The following CADM2 variants were observed in gnomAD, a reference collection of about 807,000 sequenced individuals.
CADM2 encodes immunoglobulin superfamily member 4D.
In CADM2, 12 loss-of-function variants were observed where a neutral mutation model predicts 49.8. That is an observed-to-expected ratio of 0.24 (90% CI 0.15 to 0.39). The LOEUF (loss-of-function observed/expected upper bound fraction) is 0.39, where lower values mean the gene tolerates loss of function less well. Ranked by LOEUF, CADM2 falls within the 10% of genes least tolerant of loss-of-function variation. CADM2 has a pLI of 1.00. For missense variants in CADM2, 378 were observed against 492.3 expected, an observed-to-expected ratio of 0.77 and a Z score of 2.20; for synonymous variants, 214 against 175.4, an observed-to-expected ratio of 1.22 and a Z score of -1.74.
At chr3:85,246,330 A>G (rs1178806855) in intron 1 of CADM2, among the ~76,000 whole-genome samples, 1 of 152,008 alleles carries the variant, frequency 6.6e-6, no homozygotes, top group Admixed American at 6.6e-5. Flanking sequence ...AAGCATTAGG[A>G]GATATACCTA....
intron 1 of CADM2, among the ~76,000 whole-genome samples, chr3:85,157,001 C>T (rs948855531): frequency 6.6e-6 from 1 of 152,026 alleles, no homozygotes; most frequent in Non-Finnish European, 1.5e-5. Flanking sequence ...TCTCAGGATA[C>T]AAAATCAATG....
At chr3:85,585,887 T>C (rs1231586015) in intron 1 of CADM2, among the ~76,000 whole-genome samples, 1 of 152,068 alleles carries the variant, frequency 6.6e-6, no homozygotes, top group Admixed American at 6.6e-5. Flanking sequence ...GTTGTAAAGA[T>C]CAAATAAGAT....
At chr3:85,328,574 C>T (rs2044819650) in intron 1 of CADM2, among the ~76,000 whole-genome samples, 1 of 152,258 alleles carries the variant, frequency 6.6e-6, no homozygotes, top group Non-Finnish European at 1.5e-5. Context: ...ACAGAGTTTT[C>T]TCTTCCAAAT....
chr3:85,271,539 C>T (rs559259235), intron 1 of CADM2, among the ~76,000 whole-genome samples: 123 of 151,146 alleles, frequency 8.1e-4, no homozygotes, highest in African/African-American at 2.6e-3. Context: ...TAGAGACACA[C>T]GGAGCATAAG....
At chr3:85,021,880 A>T (rs2034527951) in intron 1 of CADM2, among the ~76,000 whole-genome samples, 1 of 152,194 alleles carries the variant, frequency 6.6e-6, no homozygotes. Context: ...AATCTTACAG[A>T]ACTCAGTGTG....
Position 85,359,666 on chromosome 3 carries a change from A to ATTT in CADM2, c.62-366847_62-366845dup, listed in dbSNP as rs869151718. Among the ~76,000 whole-genome samples the ATTT allele has an allele frequency of 5.6e-3, 147 of 26,468 alleles. 13 individuals are homozygous for ATTT. The highest frequency in any genetic ancestry group is 8.8e-3 in the Non-Finnish European group (108 of 12,264). The allele number at this position is 26,468 out of a possible 152,430, so 17.4% of individuals were successfully genotyped here. A position where few individuals can be genotyped will look rare whatever the true frequency, so the allele number is the denominator to read the frequency against. On this transcript the variant is annotated intron_variant, in intron 1 of 9. Transcript: ENST00000383699. ...TATATATATATATATATATATATATATTTTTTTTTTTGGTGGAGGGGAGAA... is the reference window on the plus strand; with the variant it reads ...TATATATATATATATATATATATATATTTTTTTTTTTTTTGGTGGAGGGGAGAA...
intron 3 of CADM2, among the ~76,000 whole-genome samples, chr3:85,851,176 T>C (rs1259354477): frequency 6.6e-6 from 1 of 152,166 alleles, no homozygotes; most frequent in Non-Finnish European, 1.5e-5. Flanking sequence ...TTTGAATATG[T>C]TTTGCAAGAA....
chr3:85,601,173 T>TATAC (rs1469920736), intron 1 of CADM2, among the ~76,000 whole-genome samples: 40 of 99,400 alleles, frequency 4.0e-4, no homozygotes, highest in African/African-American at 1.2e-3. Context: ...TATATATATA[T>TATAC]ACACACACAC....
intron 2 of CADM2, among the ~76,000 whole-genome samples, chr3:85,777,240 A>T (rs2070401356): frequency 7.9e-6 from 1 of 126,210 alleles, no homozygotes; most frequent in Non-Finnish European, 1.9e-5. Flanking sequence ...TATGGTTTTT[A>T]AAAAATTATT....
intron 2 of CADM2, among the ~76,000 whole-genome samples, chr3:85,757,116 T>C (rs2069158571): frequency 6.6e-6 from 1 of 152,096 alleles, no homozygotes; most frequent in South Asian, 2.1e-4. Context: ...AAAATATTAA[T>C]ATTAAGTAAA....
At chr3:85,251,248 T>A (rs1442256612) in intron 1 of CADM2, among the ~76,000 whole-genome samples, 2 of 152,004 alleles carry the variant, frequency 1.3e-5, no homozygotes, top group East Asian at 3.9e-4. Context: ...GTTAAGCATG[T>A]CCAAATTTTA....
intron 1 of CADM2, among the ~76,000 whole-genome samples, chr3:85,304,779 G>A (rs955631512): frequency 6.6e-6 from 1 of 151,542 alleles, no homozygotes; most frequent in African/African-American, 2.4e-5. Flanking sequence ...TCACTCCTTG[G>A]CAGTTCACAT....
intron 3 of CADM2, among the ~76,000 whole-genome samples, chr3:85,823,688 G>A (rs1040450971): frequency 1.3e-5 from 2 of 152,082 alleles, no homozygotes; most frequent in Admixed American, 1.3e-4. Flanking sequence ...CTATTAATTT[G>A]CATTGTACAA....
intron 2 of CADM2, among the ~76,000 whole-genome samples, chr3:85,770,217 T>C (rs1301922463): frequency 3.3e-5 from 5 of 152,102 alleles, no homozygotes; most frequent in Admixed American, 6.6e-5. Context: ...ACCCCAATTC[T>C]ATGTGCTTAT....
intron 1 of CADM2, among the ~76,000 whole-genome samples, chr3:85,477,196 T>C (rs1388600075): frequency 2.0e-5 from 3 of 147,598 alleles, no homozygotes; most frequent in African/African-American, 7.5e-5. Context: ...TCTTAATGAC[T>C]CCAAAATTTT....
intron 9 of CADM2, 126 bp from the exon 10 acceptor site, chr3:86,066,539 A>T (rs1739361854): frequency 1.4e-6 from 1 of 691,364 alleles, no homozygotes; most frequent in African/African-American, 1.8e-5. Flanking sequence ...ACTTTAGAAG[A>T]GTCAATCGGG....
intron 1 of CADM2, among the ~76,000 whole-genome samples, chr3:85,544,798 G>A (rs2061627654): frequency 6.7e-6 from 1 of 149,926 alleles, no homozygotes; most frequent in South Asian, 2.1e-4. Flanking sequence ...AGCTAAATTT[G>A]TTGATAATAT....
At chr3:85,432,332 C>A (rs1362643657) in intron 1 of CADM2, among the ~76,000 whole-genome samples, 1 of 151,880 alleles carries the variant, frequency 6.6e-6, no homozygotes, top group East Asian at 1.9e-4. Flanking sequence ...GAGGCCAGAG[C>A]AGTCGCAGAG....
chr3:85,493,315 T>A (rs890080325), intron 1 of CADM2, among the ~76,000 whole-genome samples: 5 of 152,146 alleles, frequency 3.3e-5, no homozygotes, highest in Non-Finnish European at 7.4e-5. Context: ...TTCCCCAATG[T>A]GTTCAGGTTT....
Sources: gnomAD v4.1 joint callset for allele counts (sites outside exome capture counted in the v4.1 genomes callset) on GRCh38, gnomAD v4.1.1 for gene constraint, MANE v1.5 for transcripts, NCBI Gene and HGNC (gene_info 2026-07-23, HGNC 2026-07-21) for gene names.